SYT17: variants seen among roughly 807,000 people sequenced by gnomAD.
SYT17 encodes the protein synaptotagmin-17.
Under a neutral mutation model 46.7 loss-of-function variants are expected in SYT17, and 22 were observed. The observed-to-expected ratio is 0.47, with a 90% CI of 0.34 to 0.67. The LOEUF is 0.67. Among genes scored for constraint, SYT17 ranks in the 30% least tolerant of loss-of-function variants. The pLI is 0.01. For missense variants in SYT17, 519 were observed against 612.8 expected, an observed-to-expected ratio of 0.85 and a Z score of 1.62; for synonymous variants, 251 against 248.4, an observed-to-expected ratio of 1.01 and a Z score of -0.10.
At chr16:19,266,279 A>G (rs1316932641) in intron 7 of SYT17, among the ~76,000 whole-genome samples, 4 of 152,226 alleles carry the variant, frequency 2.6e-5, no homozygotes, top group Non-Finnish European at 4.4e-5. Flanking sequence ...TGGCCTCCGC[A>G]GGGGCCATTT....
chr16:19,250,223 T>A (rs979948861), intron 7 of SYT17: 1 of 772,388 alleles, frequency 1.3e-6, no homozygotes, highest in African/African-American at 1.8e-5. Flanking sequence ...TGCTGTTTGC[T>A]TTATCACACA....
chr16:19,169,146 A>G (rs896037032), intron 1 of SYT17, among the ~76,000 whole-genome samples: 1 of 151,840 alleles, frequency 6.6e-6, no homozygotes, highest in African/African-American at 2.4e-5. Flanking sequence ...CTGGGTGCTG[A>G]GGGGTGGGGG....
chr16:19,200,242 AATGGGCCATATAC>A (rs1467099207), intron 5 of SYT17, among the ~76,000 whole-genome samples: 1 of 152,262 alleles, frequency 6.6e-6, no homozygotes, highest in East Asian at 1.9e-4. Flanking sequence ...GCTGCATATT[AATGGGCCATATAC>A]ATGGGCCCAT....
chr16:19,205,253 C>T (rs1248981698), intron 5 of SYT17, among the ~76,000 whole-genome samples: 1 of 152,174 alleles, frequency 6.6e-6, no homozygotes, highest in Non-Finnish European at 1.5e-5. Flanking sequence ...TTTCCCTGGT[C>T]AGTGGCCTCC....
At chr16:19,236,739 C>A (rs1966853969) in intron 7 of SYT17, among the ~76,000 whole-genome samples, 1 of 152,146 alleles carries the variant, frequency 6.6e-6, no homozygotes, top group Non-Finnish European at 1.5e-5. Flanking sequence ...AACAGCATTA[C>A]CTCTACTCAG....
At chr16:19,218,845 C>T (rs765346877) in intron 5 of SYT17, among the ~76,000 whole-genome samples, 1 of 152,232 alleles carries the variant, frequency 6.6e-6, no homozygotes, top group Non-Finnish European at 1.5e-5. Flanking sequence ...TTTGAACACA[C>T]TGACTGAGTG....
intron 3 of SYT17, among the ~76,000 whole-genome samples, chr16:19,175,645 CAAAA>C (rs34788366): frequency 1.5e-5 from 1 of 67,778 alleles, no homozygotes. Context: ...AGCAAGACTT[CAAAA>C]AAAAAAAAAA....
intron 7 of SYT17, among the ~76,000 whole-genome samples, chr16:19,226,277 G>T (rs1018927743): frequency 2.0e-5 from 3 of 152,088 alleles, no homozygotes; most frequent in South Asian, 2.1e-4. Flanking sequence ...CCCAGGTAGG[G>T]CTAGAACTGG....
intron 5 of SYT17, among the ~76,000 whole-genome samples, chr16:19,186,718 T>C (rs955001086): frequency 4.6e-5 from 7 of 152,228 alleles, no homozygotes; most frequent in Non-Finnish European, 1.0e-4. Context: ...GTTTTCTTAG[T>C]ACTGTTCAAA....
In SYT17 at chr16:19,263,131, G is replaced by A. The variant is rs142387630; in HGVS notation, c.1229-3749G>A. The stretch of plus-strand genomic sequence containing the variant: ...TCACCCTTTTGGTGTATACGATTCA[G>A]TGCTTTTTAGTATATTTTCAAGATT... On this transcript the variant is annotated intron_variant, in intron 7 of 7. Coordinates refer to ENST00000355377, the MANE Select transcript of SYT17 (RefSeq NM_016524.4). Among the ~76,000 whole-genome samples the A allele has an allele frequency of 7.2e-4, 108 of 151,022 alleles. 1 individual carries two copies. Among genetic ancestry groups the A allele is most frequent in the African/African-American group, 2.6e-3 (107 of 41,052 alleles).
At chr16:19,238,305 A>G (rs1966876721) in intron 7 of SYT17, among the ~76,000 whole-genome samples, 1 of 152,224 alleles carries the variant, frequency 6.6e-6, no homozygotes, top group African/African-American at 2.4e-5. Context: ...TAATGTATAA[A>G]TGGGCTCAGT....
At chr16:19,252,084 C>T (rs1305631681) in intron 7 of SYT17, among the ~76,000 whole-genome samples, 1 of 151,662 alleles carries the variant, frequency 6.6e-6, no homozygotes, top group Non-Finnish European at 1.5e-5. Context: ...CTTGCTTGAA[C>T]CCAGGAGGCG....
At chr16:19,263,658 A>AG in intron 7 of SYT17, among the ~76,000 whole-genome samples, 1 of 149,704 alleles carries the variant, frequency 6.7e-6, no homozygotes, top group Non-Finnish European at 1.5e-5. Flanking sequence ...AAAAAAAAAA[A>AG]GAAAAGAAAA....
intron 1 of SYT17, chr16:19,170,154 G>A (rs962973735): frequency 2.0e-5 from 3 of 152,130 alleles, no homozygotes; most frequent in African/African-American, 7.2e-5. Flanking sequence ...GGCTCACATG[G>A]TCTCTGTCAC....
chr16:19,202,431 C>G (rs561732754), intron 5 of SYT17, among the ~76,000 whole-genome samples: 3 of 152,290 alleles, frequency 2.0e-5, no homozygotes, highest in Non-Finnish European at 1.5e-5. Context: ...GCTTTCACGC[C>G]CTCAACGGGC....
intron 7 of SYT17, among the ~76,000 whole-genome samples, chr16:19,247,152 C>A (rs1967636952): frequency 6.6e-6 from 1 of 152,206 alleles, no homozygotes; most frequent in African/African-American, 2.4e-5. Flanking sequence ...GCAAAGAGAT[C>A]AAGTGATTGA....
chr16:19,213,468 G>A (rs1055596760), intron 5 of SYT17, among the ~76,000 whole-genome samples: 2 of 152,206 alleles, frequency 1.3e-5, no homozygotes, highest in African/African-American at 4.8e-5. Flanking sequence ...TGGAAGAGTT[G>A]TTTACTGAAA....
In SYT17 at chr16:19,184,130, C is replaced by T. The variant is rs1964681999; in HGVS notation, c.934C>T (p.Leu312=). ...CAAGGGCGGGCACTGGTGGAAGGCG[C>T]TGATTCCCAGTTCTCAGGTAAGGGA... The part of the protein sequence containing the change: ...LVKGGHWWKA[L]IPSSQNEVEL... The change falls in exon 5 of 8, where the codon CTG becomes TTG. Residue 312 remains leucine (L), a synonymous_variant. Coordinates refer to ENST00000355377, the MANE Select transcript of SYT17 (RefSeq NM_016524.4). The T allele has an allele frequency of 1.2e-6, 2 of 1,613,736 alleles. No individual in the cohort carries two copies. The highest frequency in any genetic ancestry group is 2.2e-5 in the East Asian group (1 of 44,876).
At chr16:19,251,850 G>C (rs371645479) in intron 7 of SYT17, among the ~76,000 whole-genome samples, 3 of 152,096 alleles carry the variant, frequency 2.0e-5, no homozygotes, top group African/African-American at 7.2e-5. Context: ...AAGGGATTGC[G>C]CATACACAGG....
Sources: gnomAD v4.1 joint callset for allele counts (sites outside exome capture counted in the v4.1 genomes callset) on GRCh38, gnomAD v4.1.1 for gene constraint, MANE v1.5 for transcripts, NCBI Gene and HGNC (gene_info 2026-07-23, HGNC 2026-07-21) for gene names.